Variants in FRMPD4 observed in about 807,000 individuals in gnomAD.
FRMPD4 encodes the protein FERM and PDZ domain-containing protein 4.
FRMPD4 carries 22 observed loss-of-function variants against 94.1 expected under a neutral mutation model. The ratio of observed to expected loss-of-function variants is 0.23; its 90% CI spans 0.17 to 0.33. FRMPD4 has a LOEUF of 0.33. Ranked by LOEUF, FRMPD4 falls within the 10% of genes least tolerant of loss-of-function variation. The probability of loss-of-function intolerance (pLI) is 1.00; values close to 1 mark genes in which losing one functional copy is unlikely to be tolerated. For synonymous variants in FRMPD4, 631 were observed against 548.6 expected (o/e 1.15, Z -2.10); for missense variants, 1,111 against 1,339.9 (o/e 0.83, Z 2.67).
chrX:12,193,838 G>GGAAGGAAGGAAGGA (rs1478269492), intron 1 of FRMPD4, among the ~76,000 whole-genome samples: 12 of 59,961 alleles, frequency 2.0e-4, no homozygotes, highest in East Asian at 1.0e-3. Flanking sequence ...AGGGAAGGAA[G>GGAAGGAAGGAAGGA]AAAGAAAAGA....
At chrX:12,629,834 T>C (rs1292404856) in intron 4 of FRMPD4, among the ~76,000 whole-genome samples, 1 of 112,395 alleles carries the variant, frequency 8.9e-6, no homozygotes, top group Non-Finnish European at 1.9e-5. Flanking sequence ...TGTCAGATGC[T>C]GTCATTACTG....
chrX:12,194,002 G>A (rs2056537347), intron 1 of FRMPD4, among the ~76,000 whole-genome samples: 1 of 108,566 alleles, frequency 9.2e-6, no homozygotes, highest in Non-Finnish European at 1.9e-5. Flanking sequence ...AACAGACATG[G>A]TCTCAGGCAT....
chrX:12,045,184 G>A (rs976274261), intron 3 of FRMPD4, among the ~76,000 whole-genome samples: 3 of 111,860 alleles, frequency 2.7e-5, no homozygotes, highest in Admixed American at 9.5e-5. Context: ...GGTTGCTTTC[G>A]TGCTAAAATG....
chrX:12,382,930 G>A (rs897532370), intron 1 of FRMPD4, among the ~76,000 whole-genome samples: 5 of 112,123 alleles, frequency 4.5e-5, no homozygotes, highest in East Asian at 2.8e-4. Context: ...ATAGGGACTC[G>A]GAAAACGTTT....
intron 4 of FRMPD4, among the ~76,000 whole-genome samples, chrX:12,654,093 G>C (rs995306673): frequency 2.7e-5 from 3 of 111,692 alleles, no homozygotes; most frequent in Non-Finnish European, 5.6e-5. Flanking sequence ...TTTAATCCAA[G>C]CTTCCTCTTC....
intron 3 of FRMPD4, among the ~76,000 whole-genome samples, chrX:11,883,281 G>A (rs1468209790): frequency 1.8e-5 from 2 of 111,802 alleles, no homozygotes; most frequent in Non-Finnish European, 3.8e-5. Flanking sequence ...TGGAAACTTA[G>A]GCATTGGTTG....
intron 3 of FRMPD4, among the ~76,000 whole-genome samples, chrX:11,984,071 C>T (rs2054412824): frequency 8.9e-6 from 1 of 111,846 alleles, no homozygotes; most frequent in Non-Finnish European, 1.9e-5. Context: ...GTAAGGTGGA[C>T]GTCTAATGAT....
At chrX:12,492,375 T>A (rs2057801879) in intron 1 of FRMPD4, among the ~76,000 whole-genome samples, 1 of 112,434 alleles carries the variant, frequency 8.9e-6, no homozygotes, top group Non-Finnish European at 1.9e-5. Context: ...ATCATAGATG[T>A]ATAACTACAT....
intron 4 of FRMPD4, among the ~76,000 whole-genome samples, chrX:12,670,980 G>GA (rs2059835441): frequency 9.1e-6 from 1 of 110,349 alleles, no homozygotes; most frequent in Non-Finnish European, 1.9e-5. Context: ...CAACAAACAT[G>GA]ACAAAAGCTC....
At chrX:12,604,794 T>A (rs2059115108) in intron 2 of FRMPD4, among the ~76,000 whole-genome samples, 1 of 111,586 alleles carries the variant, frequency 9.0e-6, no homozygotes, top group Non-Finnish European at 1.9e-5. Flanking sequence ...TAGTTGTTTT[T>A]CCTGATCCTC....
At chrX:11,969,067 C>T (rs994063519) in intron 3 of FRMPD4, among the ~76,000 whole-genome samples, 2 of 112,390 alleles carry the variant, frequency 1.8e-5, no homozygotes, top group Non-Finnish European at 1.9e-5. Flanking sequence ...AGCCAAATCC[C>T]GGGCAGGCCA....
At chrX:12,130,231 A>G (rs1311241544) in intron 3 of FRMPD4, among the ~76,000 whole-genome samples, 2 of 111,595 alleles carry the variant, frequency 1.8e-5, no homozygotes, top group Non-Finnish European at 3.8e-5. Context: ...TGACTTGACA[A>G]TATCTTCCAG....
intron 1 of FRMPD4, among the ~76,000 whole-genome samples, chrX:12,270,436 G>T (rs1415727761): frequency 9.0e-6 from 1 of 111,392 alleles, no homozygotes; most frequent in Non-Finnish European, 1.9e-5. Flanking sequence ...AATTGCAAGA[G>T]GGGAGAAAAT....
intron 4 of FRMPD4, among the ~76,000 whole-genome samples, chrX:12,639,981 A>G (rs1341108037): frequency 1.8e-5 from 2 of 111,670 alleles, no homozygotes; most frequent in Non-Finnish European, 3.8e-5. Context: ...GGAGAGGAAC[A>G]CTTACACTTT....
intron 1 of FRMPD4, among the ~76,000 whole-genome samples, chrX:12,149,674 A>G (rs1399860317): frequency 8.9e-6 from 1 of 112,631 alleles, no homozygotes; most frequent in Admixed American, 9.4e-5. Context: ...TGAATTTAGA[A>G]TATGACACAA....
At chrX:12,613,308 G>C (rs1306704934) in intron 3 of FRMPD4, among the ~76,000 whole-genome samples, 1 of 111,476 alleles carries the variant, frequency 9.0e-6, no homozygotes, top group Non-Finnish European at 1.9e-5. Flanking sequence ...GCAGTGACTA[G>C]GTTCTGAATT....
chrX:12,478,269 G>T (rs976408523), intron 1 of FRMPD4, among the ~76,000 whole-genome samples: 4 of 111,921 alleles, frequency 3.6e-5, no homozygotes, highest in African/African-American at 1.3e-4. Context: ...GACAGGGAAG[G>T]ACAGGCCCTA....
intron 1 of FRMPD4, among the ~76,000 whole-genome samples, chrX:12,324,161 C>A (rs2055251037): frequency 8.9e-6 from 1 of 112,117 alleles, no homozygotes; most frequent in Admixed American, 9.5e-5. Context: ...AAGTATTGAA[C>A]CTAGGCTGCA....
intron 2 of FRMPD4, among the ~76,000 whole-genome samples, chrX:12,547,996 C>T (rs5934021): frequency 1.8e-5 from 2 of 110,878 alleles, no homozygotes; most frequent in African/African-American, 3.3e-5. Flanking sequence ...TAGAAGGCTC[C>T]CGTATAAGTA....
Sources: allele counts gnomAD v4.1 joint callset (sites outside exome capture counted in the v4.1 genomes callset), GRCh38; gene constraint gnomAD v4.1.1; transcripts MANE v1.5; gene names NCBI Gene and HGNC (gene_info 2026-07-23, HGNC 2026-07-21).